ARMC3: variants seen among roughly 807,000 people sequenced by gnomAD.
ARMC3 encodes armadillo repeat containing 3.
In ARMC3, 74 loss-of-function variants were observed where a neutral mutation model predicts 90.3. The ratio of observed to expected loss-of-function variants is 0.82; its 90% CI spans 0.68 to 0.99. ARMC3 has a LOEUF of 0.99. ARMC3 is among the 50% of genes least tolerant of loss of function. The pLI is 0.00. For missense variants in ARMC3, 958 were observed against 1,042.8 expected (o/e 0.92, Z 1.12); for synonymous variants, 334 against 361.8 (o/e 0.92, Z 0.87).
At chr10:23,016,527 G>A (rs984962082) in intron 16 of ARMC3, among the ~76,000 whole-genome samples, 1 of 152,154 alleles carries the variant, frequency 6.6e-6, no homozygotes, top group Admixed American at 6.5e-5. Context: ...AAGTTCTGCT[G>A]TCTTTAACCA....
At chr10:23,005,206 C>T (rs1452098412) in intron 13 of ARMC3, among the ~76,000 whole-genome samples, 19 of 106,156 alleles carry the variant, frequency 1.8e-4, no homozygotes, top group Admixed American at 1.6e-3. Flanking sequence ...GAGCTAGACT[C>T]GTCTCAAAAA....
chr10:22,969,204 A>G (rs1835577142), intron 8 of ARMC3, among the ~76,000 whole-genome samples: 1 of 152,196 alleles, frequency 6.6e-6, no homozygotes, highest in African/African-American at 2.4e-5. Flanking sequence ...CTCATACTAT[A>G]TACATAATAC....
chr10:23,015,887 G>A lies in ARMC3; in HGVS notation c.2045+6956G>A, dbSNP rs1041426500. Reference sequence around the variant, plus strand: ...TTCATTCAACAAATACTTATTGAGCGCCTTCTATGTGCCTGGAATTGTTCC... The same window carrying A: ...TTCATTCAACAAATACTTATTGAGCACCTTCTATGTGCCTGGAATTGTTCC... On this transcript the variant is annotated intron_variant, in intron 16 of 18. Transcript: ENST00000298032. 2.1e-4 allele frequency among the ~76,000 whole-genome samples: 32 copies of A among 151,968 alleles called. 1 individual carries two copies. The highest frequency in any genetic ancestry group is 1.9e-4 in the East Asian group (1 of 5,186).
intron 16 of ARMC3, among the ~76,000 whole-genome samples, chr10:23,020,428 C>T (rs560048689): frequency 6.1e-4 from 93 of 152,328 alleles, no homozygotes; most frequent in African/African-American, 2.2e-3. Context: ...AACCACCATA[C>T]ACAGCCAGTT....
chr10:22,930,374 C>T (rs1403493134), intron 1 of ARMC3, among the ~76,000 whole-genome samples: 1 of 152,070 alleles, frequency 6.6e-6, no homozygotes, highest in Non-Finnish European at 1.5e-5. Context: ...CATTTGAAAA[C>T]AATTTTCTCA....
chr10:23,032,617 A>G (rs1037797133), intron 17 of ARMC3, among the ~76,000 whole-genome samples: 1 of 152,124 alleles, frequency 6.6e-6, no homozygotes, highest in Non-Finnish European at 1.5e-5. Flanking sequence ...ATCAGCACTC[A>G]TTTTCTCCTT....
intron 16 of ARMC3, among the ~76,000 whole-genome samples, chr10:23,018,426 C>T (rs34262913): frequency 0.26 from 38,794 of 151,730 alleles, 5,399 homozygotes; most frequent in African/African-American, 0.35. Flanking sequence ...TCTGTCTCTG[C>T]GTGACTGTGG....
intron 1 of ARMC3, among the ~76,000 whole-genome samples, chr10:22,929,604 A>G (rs1327909013): frequency 6.6e-6 from 1 of 151,974 alleles, no homozygotes; most frequent in East Asian, 1.9e-4. Flanking sequence ...CTGGAGTGCA[A>G]TGGGGTGATC....
intron 10 of ARMC3, among the ~76,000 whole-genome samples, chr10:22,984,622 A>G (rs1836333026): frequency 6.6e-6 from 1 of 152,132 alleles, no homozygotes; most frequent in Non-Finnish European, 1.5e-5. Flanking sequence ...ATGATGAGCA[A>G]TTTTAGTAGC....
chr10:23,018,532 T>TTTTTTTTG (rs1838377810), intron 16 of ARMC3, among the ~76,000 whole-genome samples: 1 of 150,136 alleles, frequency 6.7e-6, no homozygotes, highest in Non-Finnish European at 1.5e-5. Flanking sequence ...TTTTTTTTTT[T>TTTTTTTTG]TTGAGACGGA....
intron 16 of ARMC3, among the ~76,000 whole-genome samples, chr10:23,025,153 T>C (rs561895200): frequency 6.6e-6 from 1 of 152,202 alleles, no homozygotes; most frequent in African/African-American, 2.4e-5. Flanking sequence ...ACAATTATAA[T>C]TGGGACTTCA....
At chr10:22,983,191 A>G (rs1338827657) in intron 10 of ARMC3, among the ~76,000 whole-genome samples, 1 of 152,192 alleles carries the variant, frequency 6.6e-6, no homozygotes, top group African/African-American at 2.4e-5. Flanking sequence ...ACATTTGTAT[A>G]TGATCTAGAA....
chr10:23,021,537 A>T (rs181912549), intron 16 of ARMC3, among the ~76,000 whole-genome samples: 1 of 152,178 alleles, frequency 6.6e-6, no homozygotes, highest in African/African-American at 2.4e-5. Flanking sequence ...CGGTATTCTC[A>T]TTATGGTTTT....
At chr10:23,021,385 C>T (rs1204068621) in intron 16 of ARMC3, among the ~76,000 whole-genome samples, 3 of 152,218 alleles carry the variant, frequency 2.0e-5, no homozygotes, top group East Asian at 1.9e-4. Context: ...TTGAAATCTC[C>T]AAACTTGTTT....
chr10:22,991,685 C>G (rs574441755), intron 10 of ARMC3, among the ~76,000 whole-genome samples: 2 of 151,984 alleles, frequency 1.3e-5, no homozygotes, highest in Admixed American at 6.5e-5. Flanking sequence ...GCCATGGCCC[C>G]GGGGTTAGGA....
chr10:23,024,393 CATAG>C (rs546077538), intron 16 of ARMC3, among the ~76,000 whole-genome samples: 6 of 133,434 alleles, frequency 4.5e-5, no homozygotes, highest in African/African-American at 1.3e-4. Context: ...AGGAATGCCA[CATAG>C]ATAGATAGAT....
intron 10 of ARMC3, among the ~76,000 whole-genome samples, chr10:22,997,947 A>T (rs1837072832): frequency 6.6e-6 from 1 of 152,234 alleles, no homozygotes; most frequent in African/African-American, 2.4e-5. Context: ...AAAAAGAATT[A>T]TTTAAATTCA....
intron 6 of ARMC3, 82 bp downstream of exon 6, chr10:22,959,656 A>T: frequency 7.3e-7 from 1 of 1,365,464 alleles, no homozygotes. Flanking sequence ...AAAAGCTTTT[A>T]AAAATGCACC....
chr10:22,942,677 G>A (rs935569853), intron 2 of ARMC3, among the ~76,000 whole-genome samples: 9 of 152,058 alleles, frequency 5.9e-5, no homozygotes, highest in Non-Finnish European at 1.2e-4. Context: ...AAAACTGTTC[G>A]ACAGTACCTA....
Sources: gnomAD v4.1 joint callset for allele counts (sites outside exome capture counted in the v4.1 genomes callset) on GRCh38, gnomAD v4.1.1 for gene constraint, MANE v1.5 for transcripts, NCBI Gene and HGNC (gene_info 2026-07-23, HGNC 2026-07-21) for gene names.